PLPPR1: variants seen among roughly 807,000 people sequenced by gnomAD.
PLPPR1 encodes the protein phospholipid phosphatase-related protein type 1.
Under a neutral mutation model 33.1 loss-of-function variants are expected in PLPPR1, and 10 were observed. The observed-to-expected ratio is 0.30, with a 90% CI of 0.19 to 0.51. The LOEUF (loss-of-function observed/expected upper bound fraction) is 0.51. Among genes scored for constraint, PLPPR1 ranks in the 20% least tolerant of loss-of-function variants. The probability of loss-of-function intolerance (pLI) is 0.97; values close to 1 mark genes in which losing one functional copy is unlikely to be tolerated. For missense variants in PLPPR1, 304 were observed against 408.1 expected (o/e 0.74, Z 2.20); for synonymous variants, 151 against 151.0 (o/e 1.00, Z 0.00).
At chr9:101,056,030 A>C (rs1178857248) in intron 1 of PLPPR1, among the ~76,000 whole-genome samples, 1 of 152,202 alleles carries the variant, frequency 6.6e-6, no homozygotes, top group Non-Finnish European at 1.5e-5. Context: ...CCATTTATTG[A>C]GTCTTCTTAA....
At chr9:101,228,689 GATT>G (rs2118811284) in intron 2 of PLPPR1, among the ~76,000 whole-genome samples, 1 of 152,238 alleles carries the variant, frequency 6.6e-6, no homozygotes, top group African/African-American at 2.4e-5. Context: ...AGGGAAATGA[GATT>G]ATTTAAAAGC....
chr9:101,263,834 G>A (rs1827941807), intron 2 of PLPPR1, among the ~76,000 whole-genome samples: 1 of 152,152 alleles, frequency 6.6e-6, no homozygotes, highest in South Asian at 2.1e-4. Flanking sequence ...TACGTAAGGT[G>A]TTTAAAACAG....
chr9:101,037,861 T>TG (rs932069378), intron 1 of PLPPR1, among the ~76,000 whole-genome samples: 9 of 151,560 alleles, frequency 5.9e-5, no homozygotes, highest in Admixed American at 3.3e-4. Flanking sequence ...CTAGTTTTTT[T>TG]TTTTTTTTGC....
At chr9:101,305,237 G>A (rs959424607) in intron 4 of PLPPR1, among the ~76,000 whole-genome samples, 62 of 152,150 alleles carry the variant, frequency 4.1e-4, no homozygotes, top group African/African-American at 1.4e-3. Flanking sequence ...GTGTGCATGC[G>A]CAAGTGTGTG....
At chr9:101,290,842 T>G (rs532887876) in intron 4 of PLPPR1, among the ~76,000 whole-genome samples, 2 of 152,312 alleles carry the variant, frequency 1.3e-5, no homozygotes, top group East Asian at 3.9e-4. Context: ...AGTCTACAGC[T>G]CTCAGCGTGA....
At chr9:101,268,072 G>A (rs910524026) in intron 2 of PLPPR1, among the ~76,000 whole-genome samples, 4 of 152,030 alleles carry the variant, frequency 2.6e-5, no homozygotes, top group South Asian at 2.1e-4. Flanking sequence ...CTTGGACACA[G>A]GAAGGGGAAC....
chr9:101,269,170 C>CA (rs1828049872), intron 2 of PLPPR1, among the ~76,000 whole-genome samples: 1 of 151,378 alleles, frequency 6.6e-6, no homozygotes, highest in Non-Finnish European at 1.5e-5. Context: ...ACATCTGAGT[C>CA]AAAACAAAAG....
chr9:101,071,111 G>C (rs1008497400), intron 1 of PLPPR1, among the ~76,000 whole-genome samples: 1 of 152,116 alleles, frequency 6.6e-6, no homozygotes, highest in Non-Finnish European at 1.5e-5. Context: ...TGCACTAAAC[G>C]CAGGGTAAGG....
intron 7 of PLPPR1, among the ~76,000 whole-genome samples, chr9:101,320,139 AATTC>A (rs1316565957): frequency 6.6e-6 from 1 of 152,220 alleles, no homozygotes; most frequent in Admixed American, 6.5e-5. Context: ...AATAGATATT[AATTC>A]ATTGTTTACA....
chr9:101,245,315 T>C (rs1244441459), intron 2 of PLPPR1, among the ~76,000 whole-genome samples: 1 of 152,046 alleles, frequency 6.6e-6, no homozygotes, highest in Non-Finnish European at 1.5e-5. Context: ...TGGATAAGTA[T>C]TGCAATATAA....
intron 1 of PLPPR1, among the ~76,000 whole-genome samples, chr9:101,132,108 T>C (rs187057308): frequency 6.6e-6 from 1 of 152,290 alleles, no homozygotes; most frequent in East Asian, 1.9e-4. Flanking sequence ...TCTAGTGACG[T>C]TGTAGTGGTT....
intron 2 of PLPPR1, among the ~76,000 whole-genome samples, chr9:101,204,637 A>T (rs568192808): frequency 6.6e-6 from 1 of 152,200 alleles, no homozygotes; most frequent in African/African-American, 2.4e-5. Context: ...CCCCACTCCA[A>T]ACTGGGTCTT....
intron 3 of PLPPR1, among the ~76,000 whole-genome samples, chr9:101,277,117 TAAACAAAATCTA>T (rs1335726515): frequency 1.3e-5 from 2 of 152,208 alleles, no homozygotes; most frequent in Non-Finnish European, 2.9e-5. Flanking sequence ...GGGTAACTTT[TAAACAAAATCTA>T]AAACAAAAAC....
chr9:101,091,406 G>T (rs938845140), intron 1 of PLPPR1, among the ~76,000 whole-genome samples: 3 of 152,158 alleles, frequency 2.0e-5, no homozygotes, highest in South Asian at 4.1e-4. Flanking sequence ...TGGCAGGGCG[G>T]CATGTCTTCT....
intron 2 of PLPPR1, among the ~76,000 whole-genome samples, chr9:101,257,652 G>A (rs1017516093): frequency 6.6e-6 from 1 of 152,056 alleles, no homozygotes; most frequent in Admixed American, 6.6e-5. Flanking sequence ...TTTATAATTC[G>A]ACAACTAGTG....
chr9:101,043,504 C>A (rs2118425577), intron 1 of PLPPR1, among the ~76,000 whole-genome samples: 1 of 151,480 alleles, frequency 6.6e-6, no homozygotes, highest in Non-Finnish European at 1.5e-5. Flanking sequence ...TACATACATA[C>A]ATCAATATAT....
At position 101,118,465 on chromosome 9, in the gene PLPPR1, T is replaced by C. The variant is rs897480878; in HGVS notation, c.-45-66985T>C. On this transcript the variant is annotated intron_variant, in intron 1 of 7. Coordinates refer to ENST00000374874, the MANE Select transcript of PLPPR1 (RefSeq NM_207299.2). ...AAGCACAGAAGATCTGAGACTGATA[T>C]CTGCACTGGGAAGGGATATCTGGAA... Among the ~76,000 whole-genome samples, 4 of 152,176 alleles carry C rather than the reference T, an allele frequency of 2.6e-5. 1 individual carries two copies. Among genetic ancestry groups the C allele is most frequent in the Admixed American group, 2.6e-4 (4 of 15,284 alleles).
At chr9:101,042,667 G>A (rs1187171214) in intron 1 of PLPPR1, among the ~76,000 whole-genome samples, 1 of 152,068 alleles carries the variant, frequency 6.6e-6, no homozygotes, top group Non-Finnish European at 1.5e-5. Flanking sequence ...TTGAGTTTAA[G>A]GAATTCCTAT....
chr9:101,163,126 A>C (rs183672545), intron 1 of PLPPR1, among the ~76,000 whole-genome samples: 2 of 152,336 alleles, frequency 1.3e-5, no homozygotes, highest in Non-Finnish European at 2.9e-5. Context: ...TGATCTTTTT[A>C]TCTGTGTGAA....
Sources: allele counts gnomAD v4.1 joint callset (sites outside exome capture counted in the v4.1 genomes callset), GRCh38; gene constraint gnomAD v4.1.1; transcripts MANE v1.5; gene names NCBI Gene and HGNC (gene_info 2026-07-23, HGNC 2026-07-21).